Variants in GABRG3 observed in about 807,000 individuals in gnomAD.
GABRG3 encodes gamma-aminobutyric acid receptor subunit gamma-3.
GABRG3 carries 25 observed loss-of-function variants against 48.8 expected under a neutral mutation model. The ratio of observed to expected loss-of-function variants is 0.51; its 90% confidence interval spans 0.37 to 0.72. GABRG3 has a LOEUF of 0.72. GABRG3 is among the 30% of genes least tolerant of loss of function. GABRG3 has a pLI of 0.00. For synonymous variants in GABRG3, 227 were observed against 217.6 expected (o/e 1.04, Z -0.38); for missense variants, 394 against 577.9 (o/e 0.68, Z 3.26).
chr15:27,246,199 C>T (rs1037565773), intron 3 of GABRG3, among the ~76,000 whole-genome samples: 2 of 152,110 alleles, frequency 1.3e-5, no homozygotes, highest in Non-Finnish European at 2.9e-5. Flanking sequence ...TATTCGATCT[C>T]CAGGAACCTG....
In GABRG3 at chr15:27,328,845, C is replaced by G; in HGVS notation, c.531C>G (p.Asn177Lys). 1 of 1,614,072 alleles carries G rather than the reference C, an allele frequency of 6.2e-7. No homozygotes were observed. The highest frequency in any genetic ancestry group is 8.5e-7 in the Non-Finnish European group (1 of 1,179,904). Reference protein sequence around the residue: ...INAECQLQLHNFPMDEHSCPL... With the variant: ...INAECQLQLHKFPMDEHSCPL... ...CTGAGTGCCAGCTGCAGCTGCACAA[C>G]TTCCCCATGGACGAACACTCCTGCC... Residue 177 changes from asparagine (N) to lysine (K), a missense_variant, in exon 5 of 10, where the codon AAC (asparagine) becomes AAG (lysine). This residue lies in a region of GABRG3 where 218 missense variants were observed against 309.9 expected (regional missense o/e 0.70). Coordinates refer to ENST00000615808, the MANE Select transcript of GABRG3 (RefSeq NM_033223.5).
At chr15:27,342,765 G>A (rs563879160) in intron 5 of GABRG3, among the ~76,000 whole-genome samples, 72 of 152,308 alleles carry the variant, frequency 4.7e-4, no homozygotes, top group Middle Eastern at 6.8e-3. Flanking sequence ...GAACCAAGGC[G>A]GGGAGGCTGC....
chr15:27,077,460 A>C (rs973266320), intron 3 of GABRG3, among the ~76,000 whole-genome samples: 1 of 151,738 alleles, frequency 6.6e-6, no homozygotes, highest in South Asian at 2.1e-4. Flanking sequence ...GTTCTGTTCT[A>C]TTCTGGGGTG....
chr15:27,307,688 T>G (rs201368303), intron 3 of GABRG3, among the ~76,000 whole-genome samples: 102 of 113,718 alleles, frequency 9.0e-4, no homozygotes, highest in East Asian at 2.3e-3. Context: ...CATAGGTTTA[T>G]GTTTATATAT....
intron 6 of GABRG3, among the ~76,000 whole-genome samples, chr15:27,500,894 A>T (rs906072275): frequency 3.3e-5 from 5 of 151,960 alleles, no homozygotes; most frequent in Admixed American, 3.3e-4. Flanking sequence ...GGAAAGGTAA[A>T]AGATGACGTT....
intron 5 of GABRG3, among the ~76,000 whole-genome samples, chr15:27,477,651 G>T (rs766943403): frequency 2.0e-5 from 3 of 152,182 alleles, no homozygotes; most frequent in Non-Finnish European, 2.9e-5. Context: ...GGAGGAGGCT[G>T]TGCATGTGTG....
At chr15:27,193,562 G>A (rs966605039) in intron 3 of GABRG3, among the ~76,000 whole-genome samples, 1 of 152,130 alleles carries the variant, frequency 6.6e-6, no homozygotes, top group Non-Finnish European at 1.5e-5. Flanking sequence ...CGTTTTTTAA[G>A]CCCTTGGGAA....
At chr15:27,145,251 C>T (rs1342331106) in intron 3 of GABRG3, among the ~76,000 whole-genome samples, 1 of 151,878 alleles carries the variant, frequency 6.6e-6, no homozygotes, top group Non-Finnish European at 1.5e-5. Flanking sequence ...AATCAGCTAC[C>T]TTAAGAACAT....
At chr15:27,129,985 A>G (rs1418576025) in intron 3 of GABRG3, among the ~76,000 whole-genome samples, 1 of 152,050 alleles carries the variant, frequency 6.6e-6, no homozygotes, top group Non-Finnish European at 1.5e-5. Context: ...ATATGTAAAT[A>G]TTGTCTCACA....
chr15:27,287,964 C>G (rs1223878009), intron 3 of GABRG3, among the ~76,000 whole-genome samples: 2 of 152,076 alleles, frequency 1.3e-5, no homozygotes, highest in Non-Finnish European at 2.9e-5. Flanking sequence ...GTCTTGATCT[C>G]CTGACCTCGT....
intron 3 of GABRG3, among the ~76,000 whole-genome samples, chr15:27,066,532 CCATTTAAGTGGAAG>C (rs1896740694): frequency 6.6e-6 from 1 of 152,012 alleles, no homozygotes; most frequent in Admixed American, 6.5e-5. Flanking sequence ...AAAATAGGCC[CCATTTAAGTGGAAG>C]CATTTAAAAG....
At chr15:27,135,967 AG>A (rs1269086118) in intron 3 of GABRG3, among the ~76,000 whole-genome samples, 2 of 152,204 alleles carry the variant, frequency 1.3e-5, no homozygotes, top group Non-Finnish European at 2.9e-5. Context: ...GATAAGGGAG[AG>A]AAAGCACAAG....
chr15:27,307,595 A>T (rs1165261939), intron 3 of GABRG3, among the ~76,000 whole-genome samples: 4 of 36,742 alleles, frequency 1.1e-4, no homozygotes, highest in South Asian at 1.0e-3. Context: ...ATAGGTTTAT[A>T]TATTTATATA....
intron 5 of GABRG3, among the ~76,000 whole-genome samples, chr15:27,345,327 T>C (rs995252986): frequency 6.6e-6 from 1 of 152,230 alleles, no homozygotes; most frequent in African/African-American, 2.4e-5. Flanking sequence ...CCATTTCAAC[T>C]TCTCTCTTTG....
chr15:27,413,336 A>G (rs1171145699), intron 5 of GABRG3, among the ~76,000 whole-genome samples: 1 of 152,336 alleles, frequency 6.6e-6, no homozygotes, highest in East Asian at 1.9e-4. Flanking sequence ...GTAGAAGTAA[A>G]GCTTGACCAA....
At chr15:27,269,310 G>T (rs1243054795) in intron 3 of GABRG3, among the ~76,000 whole-genome samples, 2 of 152,114 alleles carry the variant, frequency 1.3e-5, no homozygotes, top group East Asian at 1.9e-4. Context: ...ACTTTATCCT[G>T]TACCTCCCTT....
chr15:27,304,065 A>T (rs1892308327), intron 3 of GABRG3, among the ~76,000 whole-genome samples: 1 of 151,956 alleles, frequency 6.6e-6, no homozygotes, highest in African/African-American at 2.4e-5. Flanking sequence ...CTCGCAGCAA[A>T]CTAGAGTAGA....
Position 27,200,575 on chromosome 15 carries a change from A to G in GABRG3, c.271-126234A>G, listed in dbSNP as rs141036186. Among the ~76,000 whole-genome samples, 351 of 152,282 alleles carry G rather than the reference A, an allele frequency of 2.3e-3. 1 individual carries two copies. Among genetic ancestry groups the G allele is most frequent in the African/African-American group, 7.8e-3 (323 of 41,556 alleles). On this transcript the variant is annotated intron_variant, in intron 3 of 9. Coordinates refer to ENST00000615808, the MANE Select transcript of GABRG3 (RefSeq NM_033223.5). ...TCCTTCACGGAGCTCATTTTCTGGC[A>G]CAGGCAAAGTGACCCTTTTCACCTC...
chr15:27,266,783 A>T (rs1418754322), intron 3 of GABRG3, among the ~76,000 whole-genome samples: 2 of 132,778 alleles, frequency 1.5e-5, no homozygotes, highest in Non-Finnish European at 1.7e-5. Flanking sequence ...TACATTTTTG[A>T]TGGTATTGTA....
Sources: gnomAD v4.1 joint callset for allele counts (sites outside exome capture counted in the v4.1 genomes callset) on GRCh38, gnomAD v4.1.1 for gene constraint, gnomAD v4.1.1 regional missense constraint, MANE v1.5 for transcripts, NCBI Gene and HGNC (gene_info 2026-07-23, HGNC 2026-07-21) for gene names.